PRAG1: variants seen among roughly 807,000 people sequenced by gnomAD.
PRAG1 encodes the protein inactive tyrosine-protein kinase PRAG1.
A neutral mutation model predicts 95.6 loss-of-function variants in PRAG1; 110 were observed. The observed-to-expected ratio is 1.15, with a 90% CI of 0.99 to 1.35. The LOEUF is 1.35. PRAG1 is among the 40% of genes most tolerant of loss of function. PRAG1 has a pLI of 0.00. For missense variants in PRAG1, 2,554 were observed against 1,864.7 expected (o/e 1.37, Z -6.81); for synonymous variants, 1,052 against 819.4 (o/e 1.28, Z -4.85).
chr8:8,347,397 CAG>C (rs1392466096), intron 3 of PRAG1, among the ~76,000 whole-genome samples: 1 of 152,196 alleles, frequency 6.6e-6, no homozygotes, highest in Non-Finnish European at 1.5e-5. Context: ...CACAGGAAAA[CAG>C]AGACGGCTCT....
At chr8:8,386,066 C>G (rs1294090629) in intron 1 of PRAG1, among the ~76,000 whole-genome samples, 2 of 152,196 alleles carry the variant, frequency 1.3e-5, no homozygotes, top group Non-Finnish European at 2.9e-5. Flanking sequence ...AAAGTTTCCC[C>G]GTTTTAAAGA....
At chr8:8,370,312 C>T (rs1250035357) in intron 3 of PRAG1, among the ~76,000 whole-genome samples, 1 of 152,188 alleles carries the variant, frequency 6.6e-6, no homozygotes, top group Non-Finnish European at 1.5e-5. Flanking sequence ...TATAAACATG[C>T]ATTGTTGGTA....
At chr8:8,359,764 G>T (rs1214897103) in intron 3 of PRAG1, among the ~76,000 whole-genome samples, 3 of 152,156 alleles carry the variant, frequency 2.0e-5, no homozygotes, top group African/African-American at 4.8e-5. Context: ...CAGACATCTG[G>T]ATGTATGTAT....
intron 5 of PRAG1, among the ~76,000 whole-genome samples, chr8:8,320,876 T>C (rs950198374): frequency 1.3e-5 from 2 of 152,240 alleles, no homozygotes; most frequent in Non-Finnish European, 2.9e-5. Flanking sequence ...AAACCTGGCA[T>C]ACAAGAGCTT....
At chr8:8,353,397 T>A (rs994677122) in intron 3 of PRAG1, among the ~76,000 whole-genome samples, 1 of 152,016 alleles carries the variant, frequency 6.6e-6, no homozygotes, top group Non-Finnish European at 1.5e-5. Flanking sequence ...CACAATAATA[T>A]GAGGAATTTT....
At chr8:8,332,319 GC>G (rs11341118) in intron 4 of PRAG1, among the ~76,000 whole-genome samples, 11,126 of 151,802 alleles carry the variant, frequency 0.073, 928 homozygotes, top group African/African-American at 0.2. Context: ...CCACCATCAC[GC>G]CCAGCTAATT....
At chr8:8,334,683 TG>T (rs764493249) in intron 4 of PRAG1, among the ~76,000 whole-genome samples, 1 of 149,050 alleles carries the variant, frequency 6.7e-6, no homozygotes, top group Non-Finnish European at 1.5e-5. Flanking sequence ...TCGAATGCCC[TG>T]CCTACAGCTC....
Position 8,377,066 on chromosome 8 carries a change from C to G in PRAG1, c.1343G>C (p.Gly448Ala). Residue 448 changes from glycine to alanine, a missense_variant, in exon 3 of 6, where the codon GGT becomes GCT. Gly to Ala is a moderately conservative substitution (Grantham distance 60, BLOSUM62 0). Coordinates refer to ENST00000615670, the MANE Select transcript of PRAG1 (RefSeq NM_001080826.3). ...AAQGQGQVCT[G>A]NAWAQKAASG... Reference sequence around the variant, plus strand: ...TGCTGCTTTCTGGGCCCAGGCATTACCTGTGCATACCTGGCCTTGGCCCTG... The same window carrying G: ...TGCTGCTTTCTGGGCCCAGGCATTAGCTGTGCATACCTGGCCTTGGCCCTG... 6.2e-7 allele frequency: 1 copy of G among 1,613,946 alleles called. No individual in the cohort carries two copies. Among genetic ancestry groups the G allele is most frequent in the Non-Finnish European group, 8.5e-7 (1 of 1,180,026 alleles).
intron 3 of PRAG1, among the ~76,000 whole-genome samples, chr8:8,357,078 C>T (rs1281964091): frequency 6.6e-6 from 1 of 152,068 alleles, no homozygotes; most frequent in Non-Finnish European, 1.5e-5. Flanking sequence ...CTATAAAATT[C>T]CTCGTGGAAA....
At chr8:8,374,183 C>G (rs1800304905) in intron 3 of PRAG1, among the ~76,000 whole-genome samples, 2 of 152,192 alleles carry the variant, frequency 1.3e-5, no homozygotes, top group South Asian at 2.1e-4. Flanking sequence ...CTATTATCAT[C>G]TCATTTTAGA....
chr8:8,380,115 A>T (rs1172890411), intron 2 of PRAG1, among the ~76,000 whole-genome samples: 2 of 152,020 alleles, frequency 1.3e-5, no homozygotes, highest in Non-Finnish European at 2.9e-5. Context: ...CAAAAACAAA[A>T]AAACGCCAAA....
At chr8:8,347,560 C>T (rs776682185) in intron 3 of PRAG1, among the ~76,000 whole-genome samples, 6 of 152,018 alleles carry the variant, frequency 3.9e-5, no homozygotes, top group Non-Finnish European at 7.4e-5. Context: ...TTAAGCAATT[C>T]GAGTTTTCTT....
intron 3 of PRAG1, among the ~76,000 whole-genome samples, chr8:8,365,750 G>A (rs1253820200): frequency 6.6e-6 from 1 of 151,908 alleles, no homozygotes; most frequent in Non-Finnish European, 1.5e-5. Flanking sequence ...ATCACCTGAG[G>A]TCAGGAGTTT....
chr8:8,375,827 C>G (rs1210260688), intron 3 of PRAG1, among the ~76,000 whole-genome samples: 3 of 152,134 alleles, frequency 2.0e-5, no homozygotes, highest in Non-Finnish European at 4.4e-5. Context: ...ACCCAGCCCT[C>G]CCTAAATCTT....
At chr8:8,320,157 C>A (rs766855303) in intron 5 of PRAG1, among the ~76,000 whole-genome samples, 6 of 152,184 alleles carry the variant, frequency 3.9e-5, no homozygotes, top group Non-Finnish European at 7.3e-5. Context: ...TGGACAAATT[C>A]TCAAGAAGGC....
rs962226055 is a variant in PRAG1 at position 8,376,868 on chromosome 8, T to C, written c.1541A>G (p.Glu514Gly). The change falls in exon 3 of 6, where the codon GAA becomes GGA. Residue 514 changes from glutamate to glycine, a missense_variant. Glu to Gly is a moderately conservative substitution (Grantham distance 98, BLOSUM62 -2). Transcript: ENST00000615670. ...CCCCTGCCCAGCCGAAGTCTCCTCTTCACCTACCTCGGAGTTCTGGCTCAC... is the reference window on the plus strand; with the variant it reads ...CCCCTGCCCAGCCGAAGTCTCCTCTCCACCTACCTCGGAGTTCTGGCTCAC... ...GPVSQNSEVG[E>G]EETSAGQGLS... 6.2e-7 allele frequency: 1 copy of C among 1,613,176 alleles called. No homozygotes were observed. Among genetic ancestry groups the C allele is most frequent in the South Asian group, 1.1e-5 (1 of 91,078 alleles).
chr8:8,386,041 C>T (rs1800836513), intron 1 of PRAG1, among the ~76,000 whole-genome samples: 1 of 152,218 alleles, frequency 6.6e-6, no homozygotes, highest in African/African-American at 2.4e-5. Context: ...GGTCCTCCCT[C>T]CTGGAACTCG....
chr8:8,344,836 C>G (rs1446458006), intron 3 of PRAG1, among the ~76,000 whole-genome samples: 1 of 152,146 alleles, frequency 6.6e-6, no homozygotes, highest in East Asian at 1.9e-4. Flanking sequence ...TCAGTGGGAA[C>G]AGGCAGTCTC....
intron 5 of PRAG1, among the ~76,000 whole-genome samples, chr8:8,323,149 A>T (rs1027376224): frequency 1.3e-5 from 2 of 152,190 alleles, no homozygotes; most frequent in African/African-American, 4.8e-5. Flanking sequence ...ATTCCCCTTC[A>T]GCTGGAAACA....
Sources: allele counts gnomAD v4.1 joint callset (sites outside exome capture counted in the v4.1 genomes callset), GRCh38; gene constraint gnomAD v4.1.1; transcripts MANE v1.5; gene names NCBI Gene and HGNC (gene_info 2026-07-23, HGNC 2026-07-21).